The following ACCSL variants were observed in gnomAD, a reference collection of about 807,000 sequenced individuals.
The protein encoded by ACCSL is probable inactive 1-aminocyclopropane-1-carboxylate synthase-like protein 2.
A neutral mutation model predicts 61.7 loss-of-function variants in ACCSL; 55 were observed. The ratio of observed to expected loss-of-function variants is 0.89; its 90% CI spans 0.72 to 1.12. ACCSL has a LOEUF of 1.12. ACCSL is among the 50% of genes most tolerant of loss of function. The pLI, the probability that ACCSL is intolerant of heterozygous loss-of-function variation, is 0.00. For missense variants in ACCSL, 632 were observed against 698.0 expected (o/e 0.91, Z 1.07); for synonymous variants, 258 against 264.3 (o/e 0.98, Z 0.23).
At chr11:44,026,730 A>ACTAAT in the ACCSL span, among the ~76,000 whole-genome samples, 5 of 151,676 alleles carry the variant, frequency 3.3e-5, no homozygotes, top group Non-Finnish European at 7.4e-5. Context: ...ACTTATCTAG[A>ACTAAT]CTAATTTTTT....
the ACCSL span, among the ~76,000 whole-genome samples, chr11:43,989,623 C>G: frequency 2.6e-5 from 4 of 152,216 alleles, no homozygotes; most frequent in Non-Finnish European, 5.9e-5. Context: ...GTTCCCAGCC[C>G]AGGCACCATG....
chr11:44,051,655 G>C lies in ACCSL; in HGVS notation c.708G>C (p.Val236=), dbSNP rs1409855837. The C allele has an allele frequency of 1.2e-5, 20 of 1,614,060 alleles. No homozygotes were observed. In the South Asian group the frequency reaches 1.8e-4, roughly 14 times the overall value. The change falls in exon 5 of 14, where the codon GTG becomes GTC. Residue 236 remains valine, a splice_region_variant and synonymous_variant. Coordinates refer to ENST00000378832, the MANE Select transcript of ACCSL (RefSeq NM_001031854.2). The part of the protein sequence containing the change: ...RAPTRLDPEN[V]VVLNGCCSVF... ...TGCCTCTCATGTGTTGTCTTCAGGT[G>C]GTGGTTCTAAATGGCTGCTGCTCTG...
intron 11 of ACCSL, among the ~76,000 whole-genome samples, chr11:44,057,558 A>G (rs1177392950): frequency 6.6e-6 from 1 of 152,202 alleles, no homozygotes; most frequent in Non-Finnish European, 1.5e-5. Context: ...CAGGGCTTCT[A>G]ACAGCTCCCC....
chr11:44,035,935 G>GTA, the ACCSL span, among the ~76,000 whole-genome samples: 1 of 83,668 alleles, frequency 1.2e-5, no homozygotes, highest in Non-Finnish European at 2.3e-5. Flanking sequence ...GAGACTCTGT[G>GTA]TAAAAAAAAA....
At chr11:44,000,647 G>T in the ACCSL span, among the ~76,000 whole-genome samples, 1 of 142,688 alleles carries the variant, frequency 7.0e-6, no homozygotes, top group African/African-American at 2.6e-5. Flanking sequence ...AAAAAAAAAT[G>T]CCTGTTGCAG....
chr11:44,052,620 G>T, intron 5 of ACCSL, 42 bp from the exon 6 acceptor site: 1 of 1,562,376 alleles, frequency 6.4e-7, no homozygotes. Context: ...GGCTCTGATT[G>T]GGAGACTTTG....
chr11:43,989,814 G>T, the ACCSL span, among the ~76,000 whole-genome samples: 1 of 152,200 alleles, frequency 6.6e-6, no homozygotes, highest in Non-Finnish European at 1.5e-5. Flanking sequence ...GTTGGGGGTG[G>T]AGTCTTCCAC....
In ACCSL at chr11:44,058,342, C is replaced by T; in HGVS notation, c.1353C>T (p.Pro451=). 1 of 1,614,198 alleles carries T rather than the reference C, an allele frequency of 6.2e-7. No individual in the cohort carries two copies. The highest frequency in any genetic ancestry group is 1.1e-5 in the South Asian group (1 of 91,080). Residue 451 remains proline, a synonymous_variant, in exon 12 of 14, where the codon CCC becomes CCT. Transcript: ENST00000378832. ...NTEWIDKVYL[P]TNCYRLREAH... ...AATGGATTGACAAAGTATACCTACC[C>T]ACCAATTGCTACCGGCTCCGGGAAG... is the stretch of plus-strand genomic sequence containing the variant.
At chr11:44,033,814 C>G in the ACCSL span, among the ~76,000 whole-genome samples, 1 of 152,094 alleles carries the variant, frequency 6.6e-6, no homozygotes, top group African/African-American at 2.4e-5. Context: ...CACTGAGCCG[C>G]AGCTCTGGCA....
At chr11:44,053,625 G>A in intron 8 of ACCSL, 119 bp downstream of exon 8, 1 of 881,684 alleles carries the variant, frequency 1.1e-6, no homozygotes, top group Non-Finnish European at 1.8e-6. Context: ...CACTTTGGGA[G>A]GCCGAGAAGG....
chr11:43,983,021 A>C, the ACCSL span, among the ~76,000 whole-genome samples: 1 of 152,126 alleles, frequency 6.6e-6, no homozygotes, highest in African/African-American at 2.4e-5. Flanking sequence ...GAAGGGGTGC[A>C]AGACAGAGGA....
chr11:43,990,547 C>A, the ACCSL span, among the ~76,000 whole-genome samples: 1 of 152,182 alleles, frequency 6.6e-6, no homozygotes, highest in East Asian at 1.9e-4. Context: ...AATACTATCA[C>A]ATTGGTGATT....
the ACCSL span, among the ~76,000 whole-genome samples, chr11:44,020,777 C>A: frequency 2.0e-5 from 3 of 152,018 alleles, no homozygotes; most frequent in Admixed American, 6.6e-5. Flanking sequence ...TTCCTCACCC[C>A]CCTCCCACCA....
the ACCSL span, among the ~76,000 whole-genome samples, chr11:44,035,065 T>C: frequency 2.0e-5 from 3 of 152,188 alleles, no homozygotes; most frequent in African/African-American, 4.8e-5. Flanking sequence ...ACATTCTTCC[T>C]TCCCCCAGAG....
At chr11:43,960,871 T>A in the ACCSL span, among the ~76,000 whole-genome samples, 660 of 152,288 alleles carry the variant, frequency 4.3e-3, 3 homozygotes, top group Non-Finnish European at 7.0e-3. Flanking sequence ...CAGGCTGGAG[T>A]GCAGAGGCAC....
the ACCSL span, among the ~76,000 whole-genome samples, chr11:43,951,943 G>A: frequency 6.6e-6 from 1 of 152,184 alleles, no homozygotes; most frequent in Non-Finnish European, 1.5e-5. Flanking sequence ...AGAGGTTATA[G>A]TGAGCTGAGA....
chr11:43,958,239 C>T, the ACCSL span, among the ~76,000 whole-genome samples: 9 of 152,218 alleles, frequency 5.9e-5, no homozygotes, highest in Admixed American at 5.9e-4. Flanking sequence ...AAGGTAACAT[C>T]ACTATTGTGA....
the ACCSL span, among the ~76,000 whole-genome samples, chr11:44,013,793 G>A: frequency 6.6e-6 from 1 of 152,214 alleles, no homozygotes; most frequent in Non-Finnish European, 1.5e-5. Flanking sequence ...GGTCACCCTT[G>A]ATTGCAGCAA....
chr11:44,038,643 A>C, the ACCSL span, among the ~76,000 whole-genome samples: 5 of 152,150 alleles, frequency 3.3e-5, no homozygotes, highest in Admixed American at 3.3e-4. Context: ...AGAGGAATGC[A>C]AAGGATGAGA....
Sources: allele counts gnomAD v4.1 joint callset (sites outside exome capture counted in the v4.1 genomes callset), GRCh38; gene constraint gnomAD v4.1.1; transcripts MANE v1.5; gene names NCBI Gene and HGNC (gene_info 2026-07-23, HGNC 2026-07-21).